CC2D1A: variants seen among roughly 807,000 people sequenced by gnomAD.
CC2D1A encodes the protein coiled-coil and C2 domain containing 1A.
In CC2D1A, 68 loss-of-function variants were observed where a neutral mutation model predicts 123.8. That is an observed-to-expected ratio of 0.55 (90% confidence interval 0.45 to 0.67). The LOEUF is 0.67. CC2D1A is among the 30% of genes least tolerant of loss of function. The pLI is 0.00. For synonymous variants in CC2D1A, 477 were observed against 528.0 expected (o/e 0.90, Z 1.32); for missense variants, 1,185 against 1,290.3 (o/e 0.92, Z 1.25).
chr19:13,924,990 T>A (rs1049597908), intron 17 of CC2D1A, among the ~76,000 whole-genome samples: 2 of 152,108 alleles, frequency 1.3e-5, no homozygotes, highest in Admixed American at 6.6e-5. Flanking sequence ...AGCCTCTGCA[T>A]CAGCTATTTC....
In CC2D1A at chr19:13,912,457, G is replaced by T; in HGVS notation, c.312+19G>T. ...CCTGCTGGTGAGCACTGAGGGCGGG[G>T]TGGGGGCTCTGATCCGGTTGCCCCC... On this transcript the variant is annotated intron_variant, in intron 3 of 28. Transcript: ENST00000318003. 3 of 1,613,972 alleles carry T rather than the reference G, an allele frequency of 1.9e-6. No individual in the cohort carries two copies. The highest frequency in any genetic ancestry group is 2.5e-6 in the Non-Finnish European group (3 of 1,179,956).
intron 24 of CC2D1A, 108 bp from the exon 25 acceptor site, chr19:13,929,271 C>A: frequency 1.7e-6 from 2 of 1,158,214 alleles, no homozygotes; most frequent in Non-Finnish European, 2.6e-6. Context: ...TCCCAAAGTG[C>A]AGGGATTACA....
chr19:13,918,299 A>G, intron 7 of CC2D1A, 105 bp downstream of exon 7: 1 of 1,345,954 alleles, frequency 7.4e-7, no homozygotes, highest in Non-Finnish European at 1.0e-6. Context: ...GTCACTCCCT[A>G]GCAATAGTTT....
chr19:13,919,695 T>C, intron 11 of CC2D1A, 123 bp from the exon 12 acceptor site: 1 of 1,020,330 alleles, frequency 9.8e-7, no homozygotes, highest in South Asian at 3.4e-5. Flanking sequence ...AAAAAATTAA[T>C]TAATTAAAAA....
At chr19:13,924,079 G>A (rs141996859) in intron 17 of CC2D1A, among the ~76,000 whole-genome samples, 44 of 152,334 alleles carry the variant, frequency 2.9e-4, no homozygotes, top group Non-Finnish European at 5.0e-4. Flanking sequence ...GTCCACGGGG[G>A]ACCAGAGATG....
chr19:13,912,493 C>G (rs537078043), intron 3 of CC2D1A, 35 bp from the exon 4 acceptor site: 1 of 1,614,084 alleles, frequency 6.2e-7, no homozygotes, highest in East Asian at 2.2e-5. Flanking sequence ...ATCCAGCAGG[C>G]CCTTATATCC....
chr19:13,907,867 A>G (rs1970837043), intron 1 of CC2D1A, among the ~76,000 whole-genome samples: 1 of 152,164 alleles, frequency 6.6e-6, no homozygotes, highest in African/African-American at 2.4e-5. Flanking sequence ...CATAATTGCC[A>G]ATATTTGGCC....
chr19:13,926,397 C>T (rs1336371902), intron 17 of CC2D1A, 120 bp from the exon 18 acceptor site: 11 of 816,436 alleles, frequency 1.3e-5, no homozygotes, highest in Middle Eastern at 3.2e-4. Context: ...GAGACACCCC[C>T]GAAGGCCAGG....
chr19:13,930,705 G>A lies in CC2D1A; in HGVS notation c.*310G>A. The A allele has an allele frequency of 2.1e-6, 1 of 474,120 alleles. No homozygotes were observed. Among genetic ancestry groups the A allele is most frequent in the Non-Finnish European group, 3.7e-6 (1 of 268,910 alleles). The allele number at this position is 474,120 out of a possible 1,614,324, so 29.4% of individuals were successfully genotyped here. ...GGGTGGCTGGGGCCAAGCCCCGAGG[G>A]CCCCTGCAAGCACTTTACTTCCTGT... On this transcript the variant is annotated 3_prime_UTR_variant, in exon 29 of 29. Transcript: ENST00000318003. The surrounding 1 kb of genome is among the most constrained non-coding windows in gnomAD (Gnocchi z 6.8).
At chr19:13,911,252 C>G (rs1970985550) in intron 2 of CC2D1A, among the ~76,000 whole-genome samples, 1 of 152,162 alleles carries the variant, frequency 6.6e-6, no homozygotes, top group Non-Finnish European at 1.5e-5. Flanking sequence ...TGGAGATTCA[C>G]AGGAACCTAA....
Position 13,912,318 on chromosome 19 carries a change from G to T in CC2D1A, c.197-5G>T, listed in dbSNP as rs373157979. On this transcript the variant is annotated splice_polypyrimidine_tract_variant and splice_region_variant and intron_variant, in intron 2 of 28. Coordinates refer to ENST00000318003, the MANE Select transcript of CC2D1A (RefSeq NM_017721.5). ...GGTCCACCTGGGGCATCCCCCTACC[G>T]CCAGGTCCCTTGCCGATGGAGGCCA... The T allele has an allele frequency of 6.3e-7, 1 of 1,591,234 alleles. No individual in the cohort carries two copies. Among genetic ancestry groups the T allele is most frequent in the Non-Finnish European group, 8.6e-7 (1 of 1,169,210 alleles).
chr19:13,910,083 A>T, intron 2 of CC2D1A, 125 bp downstream of exon 2: 48 of 878,318 alleles, frequency 5.5e-5, no homozygotes, highest in Admixed American at 1.0e-4. Flanking sequence ...CCTGGAGCCA[A>T]TGATCTGGGT....
intron 6 of CC2D1A, among the ~76,000 whole-genome samples, 181 bp downstream of exon 6, chr19:13,913,819 GT>G (rs751152663): frequency 7.9e-5 from 12 of 151,968 alleles, no homozygotes; most frequent in African/African-American, 2.9e-4. Context: ...TACCCAGAGA[GT>G]TTTTTTTGTT....
rs527913042 is a variant in CC2D1A, at chr19:13,923,411, C to T, written c.1720C>T (p.Arg574Trp). 13 of 1,613,596 alleles carry T rather than the reference C, an allele frequency of 8.1e-6. No individual in the cohort carries two copies. The highest frequency in any genetic ancestry group is 3.3e-5 in the Admixed American group (2 of 60,014). ...CCCGGGTCTGTCTCAGGAGGCCGCCCGGCGCTATGGTGAACTCACCAAGCT... is the reference window on the plus strand; with the variant it reads ...CCCGGGTCTGTCTCAGGAGGCCGCCTGGCGCTATGGTGAACTCACCAAGCT... ...PGPGLSQEAA[R>W]RYGELTKLIR... Residue 574 changes from arginine to tryptophan, a missense_variant, in exon 15 of 29, where the codon CGG (arginine) becomes TGG (tryptophan). Coordinates refer to ENST00000318003, the MANE Select transcript of CC2D1A (RefSeq NM_017721.5). The surrounding 1 kb of genome is among the most constrained non-coding windows in gnomAD (Gnocchi z 5.3).
At chr19:13,925,574 C>CA (rs113314879) in intron 17 of CC2D1A, among the ~76,000 whole-genome samples, 5,621 of 143,428 alleles carry the variant, frequency 0.039, 345 homozygotes, top group African/African-American at 0.14. Context: ...GAGACTGTCT[C>CA]AAAAAAAAAA....
intron 1 of CC2D1A, among the ~76,000 whole-genome samples, chr19:13,909,226 A>G (rs573484412): frequency 1.3e-4 from 20 of 152,068 alleles, no homozygotes; most frequent in Non-Finnish European, 2.2e-4. Context: ...CAAAAAAAAA[A>G]TTAGCCGGGC....
chr19:13,927,620 A>G (rs1278983934), intron 22 of CC2D1A: 1 of 464,970 alleles, frequency 2.2e-6, no homozygotes, highest in African/African-American at 2.0e-5. Flanking sequence ...CTACTAAAAT[A>G]CAAAAAAATT....
rs769247294 is a variant in CC2D1A, at chr19:13,919,969, G to A, written c.1356+18G>A. 1.2e-5 allele frequency: 20 copies of A among 1,601,650 alleles called. No homozygotes were observed. Among genetic ancestry groups the A allele is most frequent in the Admixed American group, 1.7e-5 (1 of 59,036 alleles). On this transcript the variant is annotated intron_variant, in intron 12 of 28. Transcript: ENST00000318003. ...CTAAGAAGGTTTGAGGGTTGGGGCCGGGCGCAGTGGCTCACACCTGTAGTC... is the reference window on the plus strand; with the variant it reads ...CTAAGAAGGTTTGAGGGTTGGGGCCAGGCGCAGTGGCTCACACCTGTAGTC...
Position 13,919,215 on chromosome 19 carries a change from C to T in CC2D1A, c.1222+13C>T. The T allele has an allele frequency of 6.2e-7, 1 of 1,601,456 alleles. No homozygotes were observed. Among genetic ancestry groups the T allele is most frequent in the Non-Finnish European group, 8.5e-7 (1 of 1,172,916 alleles). On this transcript the variant is annotated intron_variant, in intron 11 of 28. Transcript: ENST00000318003. ...CCCGTGCCCCCAGGTAGGCCTTGCCCCTGTAGGCCTCGCCCCAGTAGGCCC... is the reference window on the plus strand; with the variant it reads ...CCCGTGCCCCCAGGTAGGCCTTGCCTCTGTAGGCCTCGCCCCAGTAGGCCC...
Sources: allele counts gnomAD v4.1 joint callset (sites outside exome capture counted in the v4.1 genomes callset), GRCh38; gene constraint gnomAD v4.1.1; non-coding constraint Gnocchi (gnomAD v3.1); transcripts MANE v1.5; gene names NCBI Gene and HGNC (gene_info 2026-07-23, HGNC 2026-07-21).